The following EXOC7 variants were observed in gnomAD, a reference collection of about 807,000 sequenced individuals.
The protein encoded by EXOC7 is exocyst complex component 7.
EXOC7 carries 51 observed loss-of-function variants against 87.6 expected under a neutral mutation model. The ratio of observed to expected loss-of-function variants is 0.58; its 90% CI spans 0.46 to 0.73. The LOEUF (loss-of-function observed/expected upper bound fraction) is 0.73, where lower values mean the gene tolerates loss of function less well. EXOC7 is among the 30% of genes least tolerant of loss of function. The pLI is 0.00. For synonymous variants in EXOC7, 327 were observed against 357.1 expected (o/e 0.92, Z 0.95); for missense variants, 744 against 888.4 (o/e 0.84, Z 2.07).
At position 76,086,508 on chromosome 17, in the gene EXOC7, C is replaced by T. The variant is rs556148238; in HGVS notation, c.1430-363G>A. The stretch of plus-strand genomic sequence containing the variant: ...GCAGAGTCTTAGAATGGGCTCCCCA[C>T]AGCCTCTCCACCTTCTCCCCTACAT... On this transcript the variant is annotated intron_variant, in intron 12 of 18. Transcript: ENST00000589210. Among the ~76,000 whole-genome samples, 4 of 152,324 alleles carry T rather than the reference C, an allele frequency of 2.6e-5. No homozygotes were observed. The East Asian group carries it at 5.8e-4, about 22-fold the overall frequency.
chr17:76,101,885 A>T (rs1567992929), intron 2 of EXOC7, 22 bp from the exon 3 acceptor site: 1 of 1,595,988 alleles, frequency 6.3e-7, no homozygotes, highest in East Asian at 2.2e-5. Flanking sequence ...AAGCCTCTTG[A>T]TCTTGGGACT....
chr17:76,087,867 C>G (rs2290246), intron 11 of EXOC7, 147 bp from the exon 12 acceptor site: 1 of 971,214 alleles, frequency 1.0e-6, no homozygotes, highest in Admixed American at 2.2e-5. Context: ...TTCACTCTAG[C>G]CTGCCAGGAA....
intron 7 of EXOC7, 156 bp downstream of exon 7, chr17:76,090,987 G>A (rs950354960): frequency 2.4e-5 from 17 of 696,006 alleles, no homozygotes; most frequent in Non-Finnish European, 4.2e-5. Flanking sequence ...CTGTCCCTGT[G>A]CCCGCTGAAG....
chr17:76,103,753 C>T lies in EXOC7; in HGVS notation c.-61G>A. 1.3e-6 allele frequency: 2 copies of T among 1,523,418 alleles called. No individual in the cohort carries two copies. Among genetic ancestry groups the T allele is most frequent in the South Asian group, 1.2e-5 (1 of 82,612 alleles). The allele number at this position is 1,523,418 out of a possible 1,614,324, so 94.4% of individuals were successfully genotyped here. ...TTTCCTCCGCGGGCCCACCGGGCCCCCGTCCCCGTCACACCCACTTCCGCT... is the reference window on the plus strand; with the variant it reads ...TTTCCTCCGCGGGCCCACCGGGCCCTCGTCCCCGTCACACCCACTTCCGCT... On this transcript the variant is annotated 5_prime_UTR_variant, in exon 1 of 19. Transcript: ENST00000589210.
rs755760169 is a variant in EXOC7 at position 76,081,689 on chromosome 17, T to C, written c.*1959A>G. 6 of 1,614,002 alleles carry C rather than the reference T, an allele frequency of 3.7e-6. No homozygotes were observed. The Admixed American group carries it at 5.0e-5, about 13-fold the overall frequency. ...CTACAAGGTGACATTGCTGCTGAGT[T>C]ACCTCGTCCTCCACTCCTCCCTGGT... On this transcript the variant is annotated 3_prime_UTR_variant, in exon 19 of 19. Coordinates refer to ENST00000589210, the MANE Select transcript of EXOC7 (RefSeq NM_001013839.4).
chr17:76,083,577 G>GC lies in EXOC7; in HGVS notation c.*70dup. The stretch of plus-strand genomic sequence containing the variant: ...GACTTCAAGCTCACCCAGCCCAGAG[G>GC]CAAGCTAACACTGGTTTATCTGTCC... On this transcript the variant is annotated 3_prime_UTR_variant, in exon 19 of 19. Transcript: ENST00000589210. 1 of 1,499,068 alleles carries GC rather than the reference G, an allele frequency of 6.7e-7. No homozygotes were observed. The highest frequency in any genetic ancestry group is 9.3e-7 in the Non-Finnish European group (1 of 1,076,772). The allele number at this position is 1,499,068 out of a possible 1,614,324, so 92.9% of individuals were successfully genotyped here.
rs77413786 is a variant in EXOC7, at chr17:76,086,674, G to A, written c.1430-529C>T. ...CAGGGCTCTAGCCTGGGCAGGTGCT[G>A]CGGATAAGCTCAGAGACAGAGTGGC... On this transcript the variant is annotated intron_variant, in intron 12 of 18. Transcript: ENST00000589210. Among the ~76,000 whole-genome samples the A allele has an allele frequency of 3.7e-4, 56 of 152,278 alleles. No homozygotes were observed. In the East Asian group the frequency reaches 0.01, roughly 28 times the overall value.
Position 76,081,995 on chromosome 17 carries a change from G to A in EXOC7, c.*1653C>T. ...TGGGGCCAAGAGCGGCCCCAGCCCAGCCCCGAGAGGGGAACAGCGAGAGCA... is the reference window on the plus strand; with the variant it reads ...TGGGGCCAAGAGCGGCCCCAGCCCAACCCCGAGAGGGGAACAGCGAGAGCA... On this transcript the variant is annotated 3_prime_UTR_variant, in exon 19 of 19. Coordinates refer to ENST00000589210, the MANE Select transcript of EXOC7 (RefSeq NM_001013839.4). The A allele has an allele frequency of 2.5e-6, 4 of 1,611,932 alleles. No homozygotes were observed. The highest frequency in any genetic ancestry group is 1.3e-5 in the African/African-American group (1 of 74,976).
chr17:76,089,541 C>G (rs1034921063), intron 7 of EXOC7: 3 of 588,758 alleles, frequency 5.1e-6, no homozygotes, highest in African/African-American at 3.7e-5. Context: ...GCTTCATTCT[C>G]GGCTCTGCGC....
At chr17:76,084,169 C>T in intron 17 of EXOC7, 30 bp from the exon 18 acceptor site, 1 of 1,593,666 alleles carries the variant, frequency 6.3e-7, no homozygotes, top group African/African-American at 1.3e-5. Context: ...AAAAGGAAGG[C>T]ACCCAGAGAC....
Position 76,083,486 on chromosome 17 carries a change from G to A in EXOC7, c.*162C>T, listed in dbSNP as rs2144582051. On this transcript the variant is annotated 3_prime_UTR_variant, in exon 19 of 19. Transcript: ENST00000589210. ...AACACGGGCTGTGGGGAAAAAGCAG[G>A]AGCCAGGACTAGGGGGCTCAGGGAC... 1.5e-6 allele frequency: 1 copy of A among 659,320 alleles called. No homozygotes were observed. The highest frequency in any genetic ancestry group is 2.6e-5 in the Admixed American group (1 of 38,862). 40.8% of individuals were successfully genotyped at this position (659,320 alleles called of 1,614,324 possible).
At position 76,082,399 on chromosome 17, in the gene EXOC7, G is replaced by A. The variant is rs567519032; in HGVS notation, c.*1249C>T. 30 of 1,477,938 alleles carry A rather than the reference G, an allele frequency of 2.0e-5. No homozygotes were observed. The African/African-American group carries it at 2.5e-4, about 12-fold the overall frequency. The allele number at this position is 1,477,938 out of a possible 1,614,324, so 91.6% of individuals were successfully genotyped here. ...TACAGGCTGATGACCCCTGGGGTTC[G>A]CTCTTCCGCTCATGTTGAGGGGACC... On this transcript the variant is annotated 3_prime_UTR_variant, in exon 19 of 19. Transcript: ENST00000589210.
At chr17:76,090,159 G>C (rs544236114) in intron 7 of EXOC7, 5 of 729,174 alleles carry the variant, frequency 6.9e-6, no homozygotes, top group East Asian at 5.6e-5. Context: ...CATCTGGAGA[G>C]AGGCAAGGAG....
intron 5 of EXOC7, among the ~76,000 whole-genome samples, chr17:76,097,138 C>T (rs1287152199): frequency 1.3e-5 from 2 of 152,188 alleles, no homozygotes; most frequent in African/African-American, 4.8e-5. Context: ...ATAGCCACAG[C>T]ACCTGGCATA....
rs2246859 is a variant in EXOC7, at chr17:76,090,105, G to A, written c.902-785C>T. Among the ~76,000 whole-genome samples the A allele has an allele frequency of 1.1e-4, 17 of 152,214 alleles. No homozygotes were observed. The East Asian group carries it at 1.5e-3, about 14-fold the overall frequency. The stretch of plus-strand genomic sequence containing the variant: ...CTCTGCCTGCTTTCCGAGGAGCAGC[G>A]GCTTCTCCCCTTGGCCCAGGCCTGA... On this transcript the variant is annotated intron_variant, in intron 7 of 18. Coordinates refer to ENST00000589210, the MANE Select transcript of EXOC7 (RefSeq NM_001013839.4).
chr17:76,103,129 G>C (rs2068155825), intron 2 of EXOC7: 2 of 565,014 alleles, frequency 3.5e-6, no homozygotes, highest in Non-Finnish European at 6.3e-6. Context: ...AGCTTAGACA[G>C]AAAGCAGCAA....
At chr17:76,090,393 G>T (rs1487301145) in intron 7 of EXOC7, 2 of 1,551,614 alleles carry the variant, frequency 1.3e-6, no homozygotes, top group Non-Finnish European at 1.7e-6. Context: ...AATCATGCTC[G>T]TGACCTGGCG....
intron 1 of EXOC7, 31 bp from the exon 2 acceptor site, chr17:76,103,457 G>A (rs1431665958): frequency 1.3e-6 from 2 of 1,579,116 alleles, no homozygotes; most frequent in East Asian, 2.3e-5. Flanking sequence ...GACATCACCA[G>A]AAACCAGAAG....
rs572424047 is a variant in EXOC7 at position 76,081,694 on chromosome 17, C to T, written c.*1954G>A. ...AGGTGACATTGCTGCTGAGTTACCTCGTCCTCCACTCCTCCCTGGTGCAGG... is the reference window on the plus strand; with the variant it reads ...AGGTGACATTGCTGCTGAGTTACCTTGTCCTCCACTCCTCCCTGGTGCAGG... On this transcript the variant is annotated 3_prime_UTR_variant, in exon 19 of 19. Transcript: ENST00000589210. 2.1e-5 allele frequency: 34 copies of T among 1,614,138 alleles called. No individual in the cohort carries two copies. Among genetic ancestry groups the T allele is most frequent in the Admixed American group, 3.3e-5 (2 of 60,024 alleles).
Sources: allele counts gnomAD v4.1 joint callset (sites outside exome capture counted in the v4.1 genomes callset), GRCh38; gene constraint gnomAD v4.1.1; transcripts MANE v1.5; gene names NCBI Gene and HGNC (gene_info 2026-07-23, HGNC 2026-07-21).